GPHN: variants seen among roughly 807,000 people sequenced by gnomAD.
GPHN encodes the protein gephyrin.
Under a neutral mutation model 95.5 loss-of-function variants are expected in GPHN, and 17 were observed. The ratio of observed to expected loss-of-function variants is 0.18; its 90% confidence interval spans 0.12 to 0.27. The LOEUF is 0.27. GPHN is among the 10% of genes least tolerant of loss of function. The pLI, the probability that GPHN is intolerant of heterozygous loss-of-function variation, is 1.00. For missense variants in GPHN, 660 were observed against 978.1 expected (o/e 0.67, Z 4.34); for synonymous variants, 320 against 322.5 (o/e 0.99, Z 0.08).
chr14:66,708,958 A>T (rs1367601994), intron 2 of GPHN, among the ~76,000 whole-genome samples: 1 of 152,154 alleles, frequency 6.6e-6, no homozygotes, highest in Admixed American at 6.6e-5. Context: ...TCTATTATAC[A>T]TAAGTATTAA....
At chr14:66,833,231 A>G (rs903890222) in intron 4 of GPHN, among the ~76,000 whole-genome samples, 1 of 152,156 alleles carries the variant, frequency 6.6e-6, no homozygotes, top group East Asian at 1.9e-4. Context: ...GTTGAAGCAA[A>G]CACATCCTTC....
At chr14:67,337,075 G>A in the GPHN span, among the ~76,000 whole-genome samples, 1 of 152,094 alleles carries the variant, frequency 6.6e-6, no homozygotes, top group Non-Finnish European at 1.5e-5. Context: ...GTAAAATAGG[G>A]GGTTAAAATA....
chr14:66,579,114 G>A (rs1254262670), intron 1 of GPHN, among the ~76,000 whole-genome samples: 1 of 151,736 alleles, frequency 6.6e-6, no homozygotes, highest in Non-Finnish European at 1.5e-5. Context: ...GTGTGTTATT[G>A]AAGTTATCAG....
chr14:66,782,761 AGGT>A (rs1482906644), intron 3 of GPHN, among the ~76,000 whole-genome samples: 1 of 152,182 alleles, frequency 6.6e-6, no homozygotes, highest in Non-Finnish European at 1.5e-5. Context: ...TGAACCCGGG[AGGT>A]GGAGGATGCA....
At chr14:67,427,288 C>T in the GPHN span, among the ~76,000 whole-genome samples, 2 of 152,226 alleles carry the variant, frequency 1.3e-5, no homozygotes, top group African/African-American at 2.4e-5. Flanking sequence ...AGAAAAACTT[C>T]TGCCCAGTTG....
intron 3 of GPHN, among the ~76,000 whole-genome samples, chr14:66,817,337 T>A (rs2061014460): frequency 1.3e-5 from 2 of 152,244 alleles, no homozygotes; most frequent in South Asian, 4.1e-4. Flanking sequence ...TCTTAAGACT[T>A]TGTGCCAATT....
chr14:66,513,946 A>T (rs1400804568), intron 1 of GPHN, among the ~76,000 whole-genome samples: 1 of 151,940 alleles, frequency 6.6e-6, no homozygotes, highest in East Asian at 1.9e-4. Flanking sequence ...AAAGAGTGTA[A>T]TTAAATTTAC....
chr14:66,539,357 GCTTT>G (rs1162551144), intron 1 of GPHN, among the ~76,000 whole-genome samples: 2 of 149,578 alleles, frequency 1.3e-5, no homozygotes, highest in African/African-American at 5.0e-5. Context: ...TGCATTTGGG[GCTTT>G]CTAGTTTTCA....
chr14:67,003,271 C>A (rs1339924511), intron 9 of GPHN, among the ~76,000 whole-genome samples: 3 of 151,674 alleles, frequency 2.0e-5, no homozygotes, highest in Admixed American at 6.6e-5. Context: ...GGGCAAAGCA[C>A]TTCCTCACAA....
chr14:67,430,713 C>T, the GPHN span, among the ~76,000 whole-genome samples: 2 of 152,074 alleles, frequency 1.3e-5, no homozygotes, highest in Non-Finnish European at 2.9e-5. Flanking sequence ...TGCCCCAGGA[C>T]ATTGACTTGA....
At chr14:67,393,350 C>A in the GPHN span, 1 of 779,202 alleles carries the variant, frequency 1.3e-6, no homozygotes. Flanking sequence ...AATGGTGTGA[C>A]ACACATCACA....
At chr14:66,975,716 C>T (rs1033674886) in intron 9 of GPHN, among the ~76,000 whole-genome samples, 2 of 125,978 alleles carry the variant, frequency 1.6e-5, no homozygotes, top group African/African-American at 5.8e-5. Flanking sequence ...CCTGTCTCTA[C>T]AAAAAAAAAA....
the GPHN span, among the ~76,000 whole-genome samples, chr14:67,518,998 T>G: frequency 6.6e-6 from 1 of 152,300 alleles, no homozygotes; most frequent in African/African-American, 2.4e-5. Context: ...AAGCCAATCT[T>G]GAATCTGGAA....
At chr14:66,517,653 C>G (rs2058303221) in intron 1 of GPHN, among the ~76,000 whole-genome samples, 1 of 152,122 alleles carries the variant, frequency 6.6e-6, no homozygotes, top group Non-Finnish European at 1.5e-5. Flanking sequence ...CTACAGCCAA[C>G]TGAGTTTTGA....
chr14:67,451,180 G>A, the GPHN span, among the ~76,000 whole-genome samples: 2 of 152,220 alleles, frequency 1.3e-5, no homozygotes, highest in Non-Finnish European at 2.9e-5. Flanking sequence ...AGAAAATGTA[G>A]GGAAATGCCT....
At chr14:67,190,526 T>C in the GPHN span, among the ~76,000 whole-genome samples, 1 of 152,234 alleles carries the variant, frequency 6.6e-6, no homozygotes, top group African/African-American at 2.4e-5. Context: ...CCCGGCCTGT[T>C]TTGAAATTTT....
chr14:67,368,629 G>A, the GPHN span, among the ~76,000 whole-genome samples: 1 of 152,114 alleles, frequency 6.6e-6, no homozygotes, highest in Non-Finnish European at 1.5e-5. Flanking sequence ...AGGCCAGGAG[G>A]TGTGGGGTAA....
At chr14:67,554,693 C>T in the GPHN span, among the ~76,000 whole-genome samples, 1 of 152,184 alleles carries the variant, frequency 6.6e-6, no homozygotes. Flanking sequence ...GCACACTTCA[C>T]TTGCCAAGCC....
intron 9 of GPHN, among the ~76,000 whole-genome samples, chr14:67,019,993 G>C (rs1352752589): frequency 1.3e-5 from 2 of 152,148 alleles, no homozygotes; most frequent in East Asian, 1.9e-4. Flanking sequence ...GTGTACAAGT[G>C]GGGTGGAGGG....
Sources: gnomAD v4.1 joint callset for allele counts (sites outside exome capture counted in the v4.1 genomes callset) on GRCh38, gnomAD v4.1.1 for gene constraint, MANE v1.5 for transcripts, NCBI Gene and HGNC (gene_info 2026-07-23, HGNC 2026-07-21) for gene names.